Variants in COL8A1 observed in about 807,000 individuals in gnomAD.
COL8A1 encodes collagen type VIII alpha 1 chain.
A neutral mutation model predicts 42.7 loss-of-function variants in COL8A1; 21 were observed. The observed-to-expected ratio is 0.49, with a 90% CI of 0.35 to 0.71. The LOEUF is 0.71. COL8A1 is among the 30% of genes least tolerant of loss of function. The pLI, the probability that COL8A1 is intolerant of heterozygous loss-of-function variation, is 0.01. For synonymous variants in COL8A1, 367 were observed against 369.1 expected (o/e 0.99, Z 0.06); for missense variants, 788 against 962.4 (o/e 0.82, Z 2.40).
At chr3:99,681,697 G>T (rs80124483) in intron 1 of COL8A1, among the ~76,000 whole-genome samples, 3,052 of 152,136 alleles carry the variant, frequency 0.02, 84 homozygotes, top group East Asian at 0.15. Flanking sequence ...TTTCTGGTTG[G>T]GTACCCGAAA....
intron 2 of COL8A1, among the ~76,000 whole-genome samples, chr3:99,770,343 C>T (rs775539478): frequency 6.6e-6 from 1 of 152,160 alleles, no homozygotes; most frequent in African/African-American, 2.4e-5. Context: ...ATTACCTTCA[C>T]CTTAAAATAC....
At chr3:99,692,825 G>A (rs1224355119) in intron 1 of COL8A1, among the ~76,000 whole-genome samples, 3 of 152,206 alleles carry the variant, frequency 2.0e-5, no homozygotes, top group Non-Finnish European at 2.9e-5. Flanking sequence ...TTTGTGGCAA[G>A]GCTGGTATAA....
At chr3:99,738,054 C>T (rs929484809) in intron 1 of COL8A1, among the ~76,000 whole-genome samples, 8 of 152,094 alleles carry the variant, frequency 5.3e-5, no homozygotes, top group African/African-American at 1.7e-4. Context: ...ATGTAGTTCT[C>T]GAGCCTTGGT....
chr3:99,669,146 T>TATATATATATATAGAGAGAGAG, intron 1 of COL8A1, among the ~76,000 whole-genome samples: 18 of 115,388 alleles, frequency 1.6e-4, no homozygotes, highest in East Asian at 1.2e-3. Context: ...TATATATATA[T>TATATATATATATAGAGAGAGAG]AGAGGGAGAG....
intron 1 of COL8A1, among the ~76,000 whole-genome samples, chr3:99,714,722 A>G (rs1015838623): frequency 2.6e-5 from 4 of 152,114 alleles, no homozygotes; most frequent in Non-Finnish European, 5.9e-5. Context: ...AGTACAAGGC[A>G]GGCAAAATTC....
intron 1 of COL8A1, among the ~76,000 whole-genome samples, chr3:99,643,739 G>A (rs1937575372): frequency 1.3e-5 from 2 of 152,102 alleles, no homozygotes; most frequent in Admixed American, 1.3e-4. Flanking sequence ...ATTTACTTGA[G>A]TTCTAGAAAC....
Position 99,689,004 on chromosome 3 carries a change from C to T in COL8A1, c.-129+50340C>T, listed in dbSNP as rs748477020. Among the ~76,000 whole-genome samples, 5 of 152,090 alleles carry T rather than the reference C, an allele frequency of 3.3e-5. No individual in the cohort carries two copies. The East Asian group carries it at 5.8e-4, about 18-fold the overall frequency. ...CATAGCCAAATGTCCCATAGATGGACAAAAATCACCCTCAGTAGAGAACCA... is the reference window on the plus strand; with the variant it reads ...CATAGCCAAATGTCCCATAGATGGATAAAAATCACCCTCAGTAGAGAACCA... On this transcript the variant is annotated intron_variant, in intron 1 of 3. Coordinates refer to ENST00000652472, the MANE Select transcript of COL8A1 (RefSeq NM_020351.4).
At chr3:99,712,476 C>T (rs1331539564) in intron 1 of COL8A1, among the ~76,000 whole-genome samples, 2 of 152,164 alleles carry the variant, frequency 1.3e-5, no homozygotes, top group African/African-American at 4.8e-5. Context: ...TGTCGGACAT[C>T]CGGGCTCATG....
intron 3 of COL8A1, among the ~76,000 whole-genome samples, chr3:99,792,517 G>A (rs774704936): frequency 5.3e-5 from 8 of 152,190 alleles, no homozygotes; most frequent in East Asian, 1.9e-4. Flanking sequence ...ATAACAGCAC[G>A]TGCTGTGTAT....
intron 1 of COL8A1, among the ~76,000 whole-genome samples, chr3:99,654,021 C>T (rs953955815): frequency 6.6e-6 from 1 of 152,160 alleles, no homozygotes; most frequent in Non-Finnish European, 1.5e-5. Flanking sequence ...GCGGACAGTG[C>T]AGCCTTCAGT....
At chr3:99,789,644 T>C (rs1010121259) in intron 2 of COL8A1, among the ~76,000 whole-genome samples, 2 of 152,190 alleles carry the variant, frequency 1.3e-5, no homozygotes, top group Non-Finnish European at 2.9e-5. Context: ...TTCAAGCTGG[T>C]TTTTATAAAC....
At chr3:99,733,432 AATG>A (rs762479459) in intron 1 of COL8A1, among the ~76,000 whole-genome samples, 6,557 of 119,476 alleles carry the variant, frequency 0.055, 153 homozygotes, top group African/African-American at 0.08. Flanking sequence ...GTTTACTGAG[AATG>A]ATGATTTCCA....
rs558599024 is a variant in COL8A1, at chr3:99,794,076, G to C, written c.329-154G>C. ...CTGATTTTTAAGGTCTAGAAGATGA[G>C]CATATTATTCCTAGTCTTTTCTCTT... On this transcript the variant is annotated intron_variant, in intron 3 of 3. Transcript: ENST00000652472. This position sits in a 1 kb window ranked among gnomAD's most constrained non-coding sequence, Gnocchi z 4.3. Among the ~76,000 whole-genome samples the C allele has an allele frequency of 1.3e-5, 2 of 152,302 alleles. No individual in the cohort carries two copies. Among genetic ancestry groups the C allele is most frequent in the South Asian group, 4.1e-4 (2 of 4,828 alleles).
At chr3:99,748,480 A>G (rs1299783151) in intron 2 of COL8A1, among the ~76,000 whole-genome samples, 1 of 152,184 alleles carries the variant, frequency 6.6e-6, no homozygotes, top group Non-Finnish European at 1.5e-5. Context: ...AATAAAAGTA[A>G]TAAGTATAAA....
chr3:99,664,303 G>T (rs2107305012), intron 1 of COL8A1, among the ~76,000 whole-genome samples: 1 of 152,268 alleles, frequency 6.6e-6, no homozygotes, highest in African/African-American at 2.4e-5. Context: ...TTTGTTGAAT[G>T]AATTAATGTA....
At chr3:99,735,219 G>C in intron 1 of COL8A1, among the ~76,000 whole-genome samples, 1 of 142,188 alleles carries the variant, frequency 7.0e-6, no homozygotes. Context: ...GGGCATCCCT[G>C]TCTTGTGCCA....
At chr3:99,656,895 C>T (rs976204036) in intron 1 of COL8A1, among the ~76,000 whole-genome samples, 2 of 152,214 alleles carry the variant, frequency 1.3e-5, no homozygotes, top group African/African-American at 2.4e-5. Context: ...TGAGAAAAGT[C>T]CACTTGGGCA....
At chr3:99,792,366 G>A (rs1942017274) in intron 3 of COL8A1, among the ~76,000 whole-genome samples, 1 of 152,122 alleles carries the variant, frequency 6.6e-6, no homozygotes, top group Admixed American at 6.5e-5. Flanking sequence ...CAATGGTCAG[G>A]ATTAAGGTGC....
chr3:99,762,989 A>G (rs1941392589), intron 2 of COL8A1, among the ~76,000 whole-genome samples: 1 of 152,092 alleles, frequency 6.6e-6, no homozygotes, highest in Admixed American at 6.5e-5. Flanking sequence ...TTTCATTCAT[A>G]CCTTCTAGGT....
Sources: allele counts gnomAD v4.1 joint callset (sites outside exome capture counted in the v4.1 genomes callset), GRCh38; gene constraint gnomAD v4.1.1; non-coding constraint Gnocchi (gnomAD v3.1); transcripts MANE v1.5; gene names NCBI Gene and HGNC (gene_info 2026-07-23, HGNC 2026-07-21).